Variants in ELOVL2 observed in about 807,000 individuals in gnomAD.
ELOVL2 encodes ELOVL fatty acid elongase 2.
A neutral mutation model predicts 37.7 loss-of-function variants in ELOVL2; 38 were observed. That is an observed-to-expected ratio of 1.01 (90% CI 0.78 to 1.32). The LOEUF (loss-of-function observed/expected upper bound fraction) is 1.32, where lower values mean the gene tolerates loss of function less well. Ranked by LOEUF, ELOVL2 falls within the 40% of genes most tolerant of loss-of-function variation. ELOVL2 has a pLI of 0.00. For missense variants in ELOVL2, 352 were observed against 363.6 expected, an observed-to-expected ratio of 0.97 and a Z score of 0.26; for synonymous variants, 115 against 122.3, an observed-to-expected ratio of 0.94 and a Z score of 0.40.
chr6:10,989,678 T>G lies in ELOVL2; in HGVS notation c.765+25A>C, dbSNP rs375134914. 12 of 1,604,500 alleles carry G rather than the reference T, an allele frequency of 7.5e-6. No individual in the cohort carries two copies. The Middle Eastern group carries it at 6.6e-4, about 89-fold the overall frequency. ...ATAGTGCCAATCGATTACATTTTAC[T>G]GCTGAATATTTACATTCCACGTACC... is the stretch of plus-strand genomic sequence containing the variant. On this transcript the variant is annotated intron_variant, in intron 7 of 7. Coordinates refer to ENST00000354666, the MANE Select transcript of ELOVL2 (RefSeq NM_017770.4).
chr6:10,991,102 C>G (rs1396268334), intron 5 of ELOVL2, among the ~76,000 whole-genome samples: 1 of 152,208 alleles, frequency 6.6e-6, no homozygotes, highest in Non-Finnish European at 1.5e-5. Flanking sequence ...TGAAACGTCT[C>G]TGTAACTGCC....
rs755894626 is a variant in ELOVL2, at chr6:10,989,737, G to T, written c.731C>A (p.Thr244Lys). The T allele has an allele frequency of 1.4e-5, 22 of 1,613,800 alleles. No individual in the cohort carries two copies. In the South Asian group the frequency reaches 2.2e-4, roughly 16 times the overall value. Residue 244 changes from threonine (T) to lysine (K), a missense_variant, in exon 7 of 8, where the codon ACG becomes AAG. Coordinates refer to ENST00000354666, the MANE Select transcript of ELOVL2 (RefSeq NM_017770.4). ...CLIFQSSYML[T>K]LVILFLNFYV... Reference sequence around the variant, plus strand: ...AAAATTTAAGAAGAGGATGACTAACGTTAGCATATAAGATGACTGGAAGAT... The same window carrying T: ...AAAATTTAAGAAGAGGATGACTAACTTTAGCATATAAGATGACTGGAAGAT...
At chr6:11,000,530 T>C (rs1327622117) in intron 3 of ELOVL2, among the ~76,000 whole-genome samples, 1 of 152,234 alleles carries the variant, frequency 6.6e-6, no homozygotes, top group Non-Finnish European at 1.5e-5. Context: ...AGTAAAAGTT[T>C]AATATTTTGT....
In ELOVL2 at chr6:11,044,240, C is replaced by A. The variant is rs755499786; in HGVS notation, c.-10G>T. 1 of 1,356,968 alleles carries A rather than the reference C, an allele frequency of 7.4e-7. No homozygotes were observed. Among genetic ancestry groups the A allele is most frequent in the Non-Finnish European group, 9.5e-7 (1 of 1,055,826 alleles). 84.1% of individuals were successfully genotyped at this position (1,356,968 alleles called of 1,614,324 possible). A position where few individuals can be genotyped will look rare whatever the true frequency, so the allele number is the denominator to read the frequency against. Reference sequence around the variant, plus strand: ...CGGCCCCACTCACCATGATCCGCAGCGGCTGTGGCGCGGCGACCCGGGCGG... The same window carrying A: ...CGGCCCCACTCACCATGATCCGCAGAGGCTGTGGCGCGGCGACCCGGGCGG... On this transcript the variant is annotated 5_prime_UTR_variant, in exon 1 of 8. Coordinates refer to ENST00000354666, the MANE Select transcript of ELOVL2 (RefSeq NM_017770.4). The surrounding 1 kb of genome is among the most constrained non-coding windows in gnomAD (Gnocchi z 5.6).
intron 2 of ELOVL2, among the ~76,000 whole-genome samples, chr6:11,009,212 C>T (rs1365966432): frequency 6.6e-6 from 1 of 152,152 alleles, no homozygotes; most frequent in African/African-American, 2.4e-5. Context: ...AGGGTTGAAA[C>T]AGAATGATGA....
chr6:11,009,408 T>C (rs1000790057), intron 2 of ELOVL2, among the ~76,000 whole-genome samples: 3 of 152,224 alleles, frequency 2.0e-5, no homozygotes, highest in Admixed American at 2.0e-4. Context: ...GAAAATATCT[T>C]ACTGTATTGT....
chr6:10,994,284 T>G (rs540121786), intron 5 of ELOVL2, among the ~76,000 whole-genome samples: 2 of 152,050 alleles, frequency 1.3e-5, no homozygotes, highest in South Asian at 4.2e-4. Flanking sequence ...CTGGCCAACA[T>G]AGTGAAACCC....
At chr6:11,022,536 AG>A (rs1447537291) in intron 1 of ELOVL2, among the ~76,000 whole-genome samples, 1 of 152,212 alleles carries the variant, frequency 6.6e-6, no homozygotes, top group Admixed American at 6.5e-5. Flanking sequence ...GGTGAAGAAC[AG>A]GTACAGGGAA....
At chr6:11,016,980 G>C (rs1373137509) in intron 1 of ELOVL2, among the ~76,000 whole-genome samples, 1 of 152,160 alleles carries the variant, frequency 6.6e-6, no homozygotes, top group East Asian at 1.9e-4. Context: ...ATTCTCTGGA[G>C]GGAGTAATGA....
chr6:11,029,364 A>T (rs954231173), intron 1 of ELOVL2, among the ~76,000 whole-genome samples: 2 of 152,178 alleles, frequency 1.3e-5, no homozygotes, highest in African/African-American at 4.8e-5. Flanking sequence ...ATCTTTGAAC[A>T]TATCTTCATT....
intron 1 of ELOVL2, among the ~76,000 whole-genome samples, chr6:11,012,114 C>T (rs1014758157): frequency 6.6e-6 from 1 of 152,118 alleles, no homozygotes; most frequent in African/African-American, 2.4e-5. Context: ...TGACTCTGAT[C>T]CTGAGAGAAA....
intron 1 of ELOVL2, among the ~76,000 whole-genome samples, chr6:11,031,044 C>T (rs1274127867): frequency 6.6e-6 from 1 of 152,182 alleles, no homozygotes; most frequent in Non-Finnish European, 1.5e-5. Context: ...TAACGTAGCA[C>T]ACTTATCTTT....
At chr6:11,028,202 T>C (rs112686926) in intron 1 of ELOVL2, among the ~76,000 whole-genome samples, 135 of 152,336 alleles carry the variant, frequency 8.9e-4, no homozygotes, top group African/African-American at 3.2e-3. Flanking sequence ...AGGATGTCTT[T>C]TCCTCTTTGG....
At chr6:11,030,962 G>A (rs533339380) in intron 1 of ELOVL2, among the ~76,000 whole-genome samples, 19 of 152,200 alleles carry the variant, frequency 1.2e-4, no homozygotes, top group South Asian at 8.3e-4. Flanking sequence ...CCAGTCTATG[G>A]TTTTATATAT....
chr6:11,038,614 T>C (rs1452230598), intron 1 of ELOVL2, among the ~76,000 whole-genome samples: 1 of 152,214 alleles, frequency 6.6e-6, no homozygotes, highest in Non-Finnish European at 1.5e-5. Flanking sequence ...TAGATTTATC[T>C]AAAAATAGAA....
At chr6:11,027,940 G>A (rs940960440) in intron 1 of ELOVL2, among the ~76,000 whole-genome samples, 13 of 152,116 alleles carry the variant, frequency 8.5e-5, no homozygotes, top group African/African-American at 2.4e-5. Flanking sequence ...TTTCAATAGA[G>A]CCCTCAGAAG....
At chr6:11,011,921 CCTGA>C (rs1163144636) in intron 1 of ELOVL2, among the ~76,000 whole-genome samples, 1 of 152,132 alleles carries the variant, frequency 6.6e-6, no homozygotes, top group African/African-American at 2.4e-5. Flanking sequence ...CGGGTTGGTC[CCTGA>C]CTGTGTGTGA....
chr6:11,013,579 A>G (rs1217812681), intron 1 of ELOVL2, among the ~76,000 whole-genome samples: 1 of 152,236 alleles, frequency 6.6e-6, no homozygotes, highest in Non-Finnish European at 1.5e-5. Flanking sequence ...TGTCATACAT[A>G]TGAAGGAAAA....
intron 7 of ELOVL2, among the ~76,000 whole-genome samples, chr6:10,985,704 T>C (rs1382637815): frequency 1.3e-5 from 2 of 152,036 alleles, no homozygotes; most frequent in African/African-American, 4.8e-5. Flanking sequence ...TCCATTGATC[T>C]ATATCTCTGT....
Sources: gnomAD v4.1 joint callset for allele counts (sites outside exome capture counted in the v4.1 genomes callset) on GRCh38, gnomAD v4.1.1 for gene constraint, Gnocchi (gnomAD v3.1) non-coding constraint, MANE v1.5 for transcripts, NCBI Gene and HGNC (gene_info 2026-07-23, HGNC 2026-07-21) for gene names.